The following FER1L5 variants were observed in gnomAD, a reference collection of about 807,000 sequenced individuals.
The protein encoded by FER1L5 is fer-1-like protein 5.
FER1L5 carries 187 observed loss-of-function variants against 279.9 expected under a neutral mutation model. That is an observed-to-expected ratio of 0.67 (90% CI 0.59 to 0.75). The LOEUF (loss-of-function observed/expected upper bound fraction) is 0.75. FER1L5 is among the 30% of genes least tolerant of loss of function. FER1L5 has a pLI of 0.00. For missense variants in FER1L5, 2,091 were observed against 2,594.4 expected (o/e 0.81, Z 4.21); for synonymous variants, 921 against 989.7 (o/e 0.93, Z 1.30).
rs371697042 is a variant in FER1L5 at position 96,696,489 on chromosome 2, T to G, written c.4083+412T>G. ...TTGTATTTTTAGTAGAGACAGGGTTTCATCATGTTGGCCAGGCTGGTCTCG... is the reference window on the plus strand; with the variant it reads ...TTGTATTTTTAGTAGAGACAGGGTTGCATCATGTTGGCCAGGCTGGTCTCG... On this transcript the variant is annotated intron_variant, in intron 37 of 52. Transcript: ENST00000624922. Among the ~76,000 whole-genome samples the G allele has an allele frequency of 1.6e-4, 25 of 152,172 alleles. 2 individuals are homozygous for G. Among genetic ancestry groups the G allele is most frequent in the Admixed American group, 6.5e-4 (10 of 15,296 alleles).
chr2:96,669,966 G>T (rs1199806225), intron 17 of FER1L5, among the ~76,000 whole-genome samples, 153 bp from the exon 18 acceptor site: 2 of 152,196 alleles, frequency 1.3e-5, no homozygotes, highest in Non-Finnish European at 2.9e-5. Flanking sequence ...CCGGCGTGGA[G>T]GTTTCTGGAA....
chr2:96,661,906 G>C lies in FER1L5; in HGVS notation c.1018+115G>C, dbSNP rs762512358. On this transcript the variant is annotated intron_variant, in intron 12 of 52. Coordinates refer to ENST00000624922, the MANE Select transcript of FER1L5 (RefSeq NM_001293083.2). ...GGCACTAAACTACTGTTTGGGGTAG[G>C]GGGGACAGGGTGAGACTGGAATTGC... The C allele has an allele frequency of 3.1e-5, 44 of 1,419,272 alleles. No individual in the cohort carries two copies. The East Asian group carries it at 9.0e-4, about 29-fold the overall frequency. The allele number at this position is 1,419,272 out of a possible 1,614,324, so 87.9% of individuals were successfully genotyped here. A position where few individuals can be genotyped will look rare whatever the true frequency, so the allele number is the denominator to read the frequency against.
At position 96,698,746 on chromosome 2, in the gene FER1L5, G is replaced by T; in HGVS notation, c.4432G>T (p.Glu1478Ter). The T allele has an allele frequency of 6.4e-7, 1 of 1,574,256 alleles. No individual in the cohort carries two copies. Among genetic ancestry groups the T allele is most frequent in the Non-Finnish European group, 8.6e-7 (1 of 1,160,512 alleles). Reference sequence around the variant, plus strand: ...CCCGCTGCAGTTCTTGGTTTGGCCAGAGAGAGAGGACTTCCCCCAGCCGTG... The same window carrying T: ...CCCGCTGCAGTTCTTGGTTTGGCCATAGAGAGAGGACTTCCCCCAGCCGTG... ...KPPLQFLVWP[E>*]REDFPQPCLV... Residue 1478 changes from glutamate to a stop codon, truncating the protein, a stop_gained, in exon 41 of 53, where the codon GAG (glutamate) becomes TAG (stop). Coordinates refer to ENST00000624922, the MANE Select transcript of FER1L5 (RefSeq NM_001293083.2). LOFTEE classifies it high-confidence loss of function. The surrounding 1 kb of genome is among the most constrained non-coding windows in gnomAD (Gnocchi z 5.5).
intron 19 of FER1L5, among the ~76,000 whole-genome samples, chr2:96,679,292 C>G (rs987000899): frequency 1.3e-5 from 2 of 151,878 alleles, no homozygotes. Flanking sequence ...GGCACAATCT[C>G]GGCTCACTGC....
At chr2:96,647,983 G>A in intron 4 of FER1L5, 97 bp downstream of exon 4, 7 of 951,124 alleles carry the variant, frequency 7.4e-6, no homozygotes, top group Non-Finnish European at 1.6e-6. Context: ...TGCTTGGGGG[G>A]CCCCATCACA....
chr2:96,647,162 C>G lies in FER1L5; in HGVS notation c.230+7C>G, dbSNP rs945596667. On this transcript the variant is annotated splice_region_variant and intron_variant, in intron 3 of 52. Coordinates refer to ENST00000624922, the MANE Select transcript of FER1L5 (RefSeq NM_001293083.2). ...GCTCACAAAAGAAAGAAAGGTGAGG[C>G]AGAGAGAGGCAGGAGGAGCCTAGCT... 1 of 1,551,362 alleles carries G rather than the reference C, an allele frequency of 6.4e-7. No homozygotes were observed. Among genetic ancestry groups the G allele is most frequent in the African/African-American group, 1.4e-5 (1 of 73,026 alleles).
At position 96,704,325 on chromosome 2, in the gene FER1L5, T is replaced by C. The variant is rs771348692; in HGVS notation, c.5912T>C (p.Ile1971Thr). The C allele has an allele frequency of 1.2e-6, 2 of 1,614,030 alleles. No homozygotes were observed. The highest frequency in any genetic ancestry group is 1.6e-4 in the Middle Eastern group (1 of 6,062). The change falls in exon 52 of 53, where the codon ATA becomes ACA. Residue 1971 changes from isoleucine to threonine, a missense_variant. Physicochemically the swap from Ile to Thr is moderately conservative, Grantham distance 89. Coordinates refer to ENST00000624922, the MANE Select transcript of FER1L5 (RefSeq NM_001293083.2). ...ATAGCCTTTATGGTCATATCGATTA[T>C]AGCACTTATGCTGTTTAACTTCATC... ...KLIAFMVISI[I>T]ALMLFNFIYS...
At chr2:96,651,314 CCTT>C (rs2075368743) in intron 6 of FER1L5, among the ~76,000 whole-genome samples, 2 of 148,388 alleles carry the variant, frequency 1.3e-5, no homozygotes. Context: ...TTCCTTCCTT[CCTT>C]CTTTCTCTCT....
rs1558860884 is a variant in FER1L5, at chr2:96,662,219, ACAC to A, written c.1026_1028del (p.His342del). The A allele has an allele frequency of 6.4e-7, 1 of 1,551,598 alleles. No homozygotes were observed. Among genetic ancestry groups the A allele is most frequent in the Middle Eastern group, 1.7e-4 (1 of 5,992 alleles). ...CTTTTAACTTGTTGTTCATAGAGAAACACCAGTCAGTGAATCCTCAGTTGGAGG... is the reference window on the plus strand; with the variant it reads ...CTTTTAACTTGTTGTTCATAGAGAAACAGTCAGTGAATCCTCAGTTGGAGG... On this transcript the variant is annotated inframe_deletion, in exon 13 of 53. Transcript: ENST00000624922.
At position 96,684,421 on chromosome 2, in the gene FER1L5, C is replaced by T. The variant is rs1312143918; in HGVS notation, c.1764C>T (p.Leu588=). Residue 588 remains leucine (L), a synonymous_variant, in exon 20 of 53, where the codon CTC becomes CTT. Coordinates refer to ENST00000624922, the MANE Select transcript of FER1L5 (RefSeq NM_001293083.2). ...ACGTCAGCTTCCGCATGAACTGCCT[C>T]AACCTCCTCCACTTCACTCGGGACC... ...WEDVSFRMNC[L]NLLHFTRDRL... 6 of 1,551,646 alleles carry T rather than the reference C, an allele frequency of 3.9e-6. No homozygotes were observed. The South Asian group carries it at 7.1e-5, about 18-fold the overall frequency.
At chr2:96,683,621 G>C (rs1052867851) in intron 19 of FER1L5, among the ~76,000 whole-genome samples, 2 of 151,922 alleles carry the variant, frequency 1.3e-5, no homozygotes, top group African/African-American at 4.8e-5. Context: ...CTGCCCACCT[G>C]GTCAGCCCTA....
chr2:96,699,213 G>C, intron 42 of FER1L5, 77 bp downstream of exon 42: 2 of 1,432,400 alleles, frequency 1.4e-6, no homozygotes, highest in Non-Finnish European at 1.9e-6. Flanking sequence ...AGAAGGCACA[G>C]AACTCTGGCA....
Position 96,703,361 on chromosome 2 carries a change from G to C in FER1L5, c.5691+15G>C. On this transcript the variant is annotated intron_variant, in intron 50 of 52. Coordinates refer to ENST00000624922, the MANE Select transcript of FER1L5 (RefSeq NM_001293083.2). The stretch of plus-strand genomic sequence containing the variant: ...GGCGCTTGTCGGTAGGAGCTGGGGA[G>C]TGTCTACTGATTAGGGCTGCTATGC... The C allele has an allele frequency of 6.2e-7, 1 of 1,604,538 alleles. No individual in the cohort carries two copies. The highest frequency in any genetic ancestry group is 1.1e-5 in the South Asian group (1 of 89,084).
At position 96,646,497 on chromosome 2, in the gene FER1L5, C is replaced by T. The variant is rs373982838; in HGVS notation, c.138+44C>T. ...CCAGAAGAGGAAATAACAACCCCAACAGCAAGGGGGCAAGGGTGGGGTCCA... is the reference window on the plus strand; with the variant it reads ...CCAGAAGAGGAAATAACAACCCCAATAGCAAGGGGGCAAGGGTGGGGTCCA... On this transcript the variant is annotated intron_variant, in intron 2 of 52. Coordinates refer to ENST00000624922, the MANE Select transcript of FER1L5 (RefSeq NM_001293083.2). The T allele has an allele frequency of 9.7e-6, 15 of 1,543,614 alleles. No homozygotes were observed. The African/African-American group carries it at 2.1e-4, about 21-fold the overall frequency.
At chr2:96,645,768 C>T (rs2075093361) in intron 1 of FER1L5, among the ~76,000 whole-genome samples, 1 of 150,724 alleles carries the variant, frequency 6.6e-6, no homozygotes, top group African/African-American at 2.5e-5. Flanking sequence ...AGAGTGAGAC[C>T]TTGTGTCACA....
At position 96,702,039 on chromosome 2, in the gene FER1L5, A is replaced by G; in HGVS notation, c.5155A>G (p.Lys1719Glu). ...AGTCAACATCAACCCCAGAAAGCCT[A>G]AACGGTGAGTGACAGCCCACTTCCC... ...PQVNINPRKPKRYELRCIIWK... is the reference protein window; with the variant it reads ...PQVNINPRKPERYELRCIIWK... The change falls in exon 46 of 53, where the codon AAA (lysine) becomes GAA (glutamate). Residue 1719 changes from lysine to glutamate, a missense_variant. Physicochemically the swap from Lys to Glu is moderately conservative, Grantham distance 56 (BLOSUM62 1). Transcript: ENST00000624922. The surrounding 1 kb of genome is among the most constrained non-coding windows in gnomAD (Gnocchi z 4.0). 6.2e-7 allele frequency: 1 copy of G among 1,613,994 alleles called. No individual in the cohort carries two copies. The highest frequency in any genetic ancestry group is 1.1e-5 in the South Asian group (1 of 91,082).
chr2:96,693,593 TC>T lies in FER1L5; in HGVS notation c.3381del (p.Ile1128SerfsTer58). 1.9e-6 allele frequency: 3 copies of T among 1,551,446 alleles called. No homozygotes were observed. Among genetic ancestry groups the T allele is most frequent in the Non-Finnish European group, 2.6e-6 (3 of 1,146,952 alleles). Reference sequence around the variant, plus strand: ...GCAGGCCCCACATGGGCCCAGACACTCATCTTCCAGCACCTCCTTCTGTACG... The same window carrying T: ...GCAGGCCCCACATGGGCCCAGACACTATCTTCCAGCACCTCCTTCTGTACG... ...SSAGPTWAQT[L>X]IFQHLLLYEN... On this transcript the variant is annotated frameshift_variant, in exon 32 of 53. Transcript: ENST00000624922. LOFTEE classifies it high-confidence loss of function.
intron 14 of FER1L5, among the ~76,000 whole-genome samples, chr2:96,667,897 G>A (rs1351398498): frequency 6.6e-6 from 1 of 152,116 alleles, no homozygotes; most frequent in Non-Finnish European, 1.5e-5. Context: ...GTCTCACTCT[G>A]TCACCCAGGT....
intron 9 of FER1L5, among the ~76,000 whole-genome samples, chr2:96,655,849 A>G (rs957752170): frequency 6.6e-6 from 1 of 152,000 alleles, no homozygotes. Context: ...AGCTTGGACT[A>G]CAGGTGTGCA....
Sources: gnomAD v4.1 joint callset for allele counts (sites outside exome capture counted in the v4.1 genomes callset) on GRCh38, gnomAD v4.1.1 for gene constraint, Gnocchi (gnomAD v3.1) non-coding constraint, MANE v1.5 for transcripts, NCBI Gene and HGNC (gene_info 2026-07-23, HGNC 2026-07-21) for gene names.